The following SPATA6 variants were observed in gnomAD, a reference collection of about 807,000 sequenced individuals.
SPATA6 encodes the protein spermatogenesis-associated protein 6.
Under a neutral mutation model 65.3 loss-of-function variants are expected in SPATA6, and 56 were observed. The ratio of observed to expected loss-of-function variants is 0.86; its 90% CI spans 0.69 to 1.07. The LOEUF (loss-of-function observed/expected upper bound fraction) is 1.07. Among genes scored for constraint, SPATA6 ranks in the 50% least tolerant of loss-of-function variants. The pLI, the probability that SPATA6 is intolerant of heterozygous loss-of-function variation, is 0.00. For synonymous variants in SPATA6, 199 were observed against 213.2 expected (o/e 0.93, Z 0.58); for missense variants, 590 against 594.8 (o/e 0.99, Z 0.08).
the SPATA6 span, among the ~76,000 whole-genome samples, chr1:48,278,057 T>C: frequency 1.3e-5 from 2 of 152,170 alleles, no homozygotes; most frequent in Non-Finnish European, 2.9e-5. Flanking sequence ...TCACTGCTGA[T>C]ACCCAGGCAA....
At chr1:48,353,461 A>G (rs1198791257) in intron 11 of SPATA6, among the ~76,000 whole-genome samples, 2 of 151,420 alleles carry the variant, frequency 1.3e-5, no homozygotes, top group East Asian at 3.9e-4. Flanking sequence ...CGTGTTACTT[A>G]CAAGATACAT....
the SPATA6 span, among the ~76,000 whole-genome samples, chr1:48,280,027 C>G: frequency 6.6e-6 from 1 of 152,226 alleles, no homozygotes; most frequent in Non-Finnish European, 1.5e-5. Context: ...GATTAAGAAA[C>G]TCACTGAAAA....
At chr1:48,395,388 T>C in intron 7 of SPATA6, 34 bp from the exon 8 acceptor site, 1 of 1,460,644 alleles carries the variant, frequency 6.8e-7, no homozygotes, top group African/African-American at 1.4e-5. Context: ...TAAAAGAGAG[T>C]TTAAACATTC....
intron 10 of SPATA6, among the ~76,000 whole-genome samples, chr1:48,357,762 G>C (rs1342115570): frequency 6.6e-6 from 1 of 152,070 alleles, no homozygotes; most frequent in Non-Finnish European, 1.5e-5. Context: ...GTTCCCAGTA[G>C]TACGTCTTAG....
At chr1:48,362,968 G>T (rs1001621698) in intron 9 of SPATA6, among the ~76,000 whole-genome samples, 2 of 151,930 alleles carry the variant, frequency 1.3e-5, no homozygotes, top group African/African-American at 4.8e-5. Flanking sequence ...AACAAAGTAG[G>T]AAACAACAAT....
rs554144016 is a variant in SPATA6, at chr1:48,306,372, C to G, written c.1195-494G>C. The stretch of plus-strand genomic sequence containing the variant: ...AGCCAAAATAACAAGCCAGAAAAGG[C>G]AAAAATGAAAGGCAAGATAATTGGA... On this transcript the variant is annotated intron_variant, in intron 11 of 12. Coordinates refer to ENST00000371847, the MANE Select transcript of SPATA6 (RefSeq NM_019073.4). Among the ~76,000 whole-genome samples, 5 of 151,868 alleles carry G rather than the reference C, an allele frequency of 3.3e-5. No homozygotes were observed. In the South Asian group the frequency reaches 1.0e-3, roughly 31 times the overall value.
In SPATA6 at chr1:48,313,903, A is replaced by G. The variant is rs530619380; in HGVS notation, c.1195-8025T>C. On this transcript the variant is annotated intron_variant, in intron 11 of 12. Transcript: ENST00000371847. ...AGGGGTTGCAATCCCAGTCTCTGATAAAACAAACTTTAAATCAACAAAGAT... is the reference window on the plus strand; with the variant it reads ...AGGGGTTGCAATCCCAGTCTCTGATGAAACAAACTTTAAATCAACAAAGAT... 1.8e-3 allele frequency among the ~76,000 whole-genome samples: 276 copies of G among 152,304 alleles called. 3 individuals are homozygous for G. The highest frequency in any genetic ancestry group is 6.4e-3 in the African/African-American group (264 of 41,568).
At chr1:48,453,909 C>T (rs1446180359) in intron 1 of SPATA6, among the ~76,000 whole-genome samples, 1 of 150,090 alleles carries the variant, frequency 6.7e-6, no homozygotes, top group Non-Finnish European at 1.5e-5. Context: ...AAGTAAGAAA[C>T]ACAATTGGTC....
At chr1:48,396,572 A>G (rs1172628983) in intron 7 of SPATA6, among the ~76,000 whole-genome samples, 2 of 151,786 alleles carry the variant, frequency 1.3e-5, no homozygotes, top group African/African-American at 4.8e-5. Context: ...ATAAGAGAAT[A>G]TTATTCAACG....
chr1:48,350,301 TC>T (rs201181446), intron 11 of SPATA6, among the ~76,000 whole-genome samples: 75 of 151,312 alleles, frequency 5.0e-4, no homozygotes, highest in African/African-American at 1.4e-3. Flanking sequence ...TGCTTTTCTT[TC>T]TTTTTTTTTT....
At chr1:48,330,581 C>T (rs1193879311) in intron 11 of SPATA6, among the ~76,000 whole-genome samples, 1 of 152,224 alleles carries the variant, frequency 6.6e-6, no homozygotes, top group Non-Finnish European at 1.5e-5. Flanking sequence ...TGTGCATGGC[C>T]CTATAACCCC....
intron 11 of SPATA6, among the ~76,000 whole-genome samples, chr1:48,328,245 T>C (rs779650579): frequency 1.2e-4 from 19 of 152,156 alleles, no homozygotes; most frequent in Admixed American, 2.0e-4. Flanking sequence ...TAAGCCATTA[T>C]AAATAATAGT....
intron 1 of SPATA6, among the ~76,000 whole-genome samples, chr1:48,457,767 C>T (rs1657122807): frequency 6.6e-6 from 1 of 152,050 alleles, no homozygotes; most frequent in Non-Finnish European, 1.5e-5. Context: ...TCAGGTTGAA[C>T]TGAAAGGATA....
chr1:48,320,893 T>C (rs1357345587), intron 11 of SPATA6, among the ~76,000 whole-genome samples: 2 of 152,210 alleles, frequency 1.3e-5, no homozygotes, highest in African/African-American at 4.8e-5. Flanking sequence ...TGTGGAGTTT[T>C]TATTCATTTT....
intron 2 of SPATA6, among the ~76,000 whole-genome samples, chr1:48,452,402 T>A (rs1557727155): frequency 6.8e-6 from 1 of 147,442 alleles, no homozygotes; most frequent in Non-Finnish European, 1.5e-5. Context: ...TTTTTTTTTT[T>A]AGATGGAGTC....
chr1:48,275,671 GT>G, the SPATA6 span, among the ~76,000 whole-genome samples: 2 of 151,910 alleles, frequency 1.3e-5, no homozygotes, highest in Admixed American at 1.3e-4. Flanking sequence ...TTTATGGTAT[GT>G]TTTTATGTTT....
chr1:48,358,773 A>C (rs531865185), intron 10 of SPATA6, among the ~76,000 whole-genome samples: 4 of 152,298 alleles, frequency 2.6e-5, no homozygotes, highest in Admixed American at 2.0e-4. Context: ...AAGCAACCTT[A>C]ATCAAAATTC....
At chr1:48,402,167 A>G (rs1433516253) in intron 6 of SPATA6, among the ~76,000 whole-genome samples, 1 of 152,140 alleles carries the variant, frequency 6.6e-6, no homozygotes, top group South Asian at 2.1e-4. Flanking sequence ...AAATAAAAAT[A>G]AAATGGAAGA....
chr1:48,377,181 T>C (rs1648017156), intron 9 of SPATA6, among the ~76,000 whole-genome samples: 1 of 152,202 alleles, frequency 6.6e-6, no homozygotes, highest in African/African-American at 2.4e-5. Flanking sequence ...TTTTCCATAC[T>C]GCAATTCAGA....
Sources: gnomAD v4.1 joint callset for allele counts (sites outside exome capture counted in the v4.1 genomes callset) on GRCh38, gnomAD v4.1.1 for gene constraint, MANE v1.5 for transcripts, NCBI Gene and HGNC (gene_info 2026-07-23, HGNC 2026-07-21) for gene names.